Variants in UBE2G1 observed in about 807,000 individuals in gnomAD.
UBE2G1 encodes the protein ubiquitin-conjugating enzyme E2 G1.
UBE2G1 carries 5 observed loss-of-function variants against 22.7 expected under a neutral mutation model. The observed-to-expected ratio is 0.22, with a 90% confidence interval of 0.12 to 0.46. UBE2G1 has a LOEUF of 0.46. Ranked by LOEUF, UBE2G1 falls within the 20% of genes least tolerant of loss-of-function variation. The pLI is 0.99. For synonymous variants in UBE2G1, 74 were observed against 67.5 expected, an observed-to-expected ratio of 1.10 and a Z score of -0.47; for missense variants, 88 against 203.9, an observed-to-expected ratio of 0.43 and a Z score of 3.46.
chr17:4,348,788 G>A (rs1009917079), intron 1 of UBE2G1, among the ~76,000 whole-genome samples: 9 of 151,636 alleles, frequency 5.9e-5, no homozygotes, highest in African/African-American at 1.9e-4. Flanking sequence ...TTGAACCTGG[G>A]AGGCAGAGGT....
At chr17:4,334,371 C>T (rs1168348910) in intron 1 of UBE2G1, among the ~76,000 whole-genome samples, 3 of 152,252 alleles carry the variant, frequency 2.0e-5, no homozygotes, top group Non-Finnish European at 2.9e-5. Context: ...AAAAGTTTAT[C>T]CAACTGTAAA....
intron 1 of UBE2G1, among the ~76,000 whole-genome samples, chr17:4,330,303 C>G (rs997555917): frequency 6.6e-6 from 1 of 152,138 alleles, no homozygotes; most frequent in African/African-American, 2.4e-5. Context: ...TTCTCCCAGG[C>G]ACTTTTCCAT....
chr17:4,286,404 CAAAA>C (rs11312770), intron 4 of UBE2G1, among the ~76,000 whole-genome samples: 8 of 117,428 alleles, frequency 6.8e-5, no homozygotes, highest in African/African-American at 6.4e-5. Context: ...GACTCTGTCT[CAAAA>C]AAAAAAAAAA....
chr17:4,271,129 G>A lies in UBE2G1; in HGVS notation c.*1425C>T, dbSNP rs1968754078. 4 of 152,232 alleles carry A rather than the reference G, an allele frequency of 2.6e-5. 1 individual carries two copies. In the South Asian group the frequency reaches 8.3e-4, roughly 32 times the overall value. 9.4% of individuals were successfully genotyped at this position (152,232 alleles called of 1,614,324 possible). A position where few individuals can be genotyped will look rare whatever the true frequency, so the allele number is the denominator to read the frequency against. ...CATGTTCATTTTACCATTTGCTGAA[G>A]TTGTTTTAGAAAACTGTATGATATG... On this transcript the variant is annotated 3_prime_UTR_variant, in exon 6 of 6. Coordinates refer to ENST00000396981, the MANE Select transcript of UBE2G1 (RefSeq NM_003342.5).
chr17:4,349,042 G>A (rs1597264800), intron 1 of UBE2G1, among the ~76,000 whole-genome samples: 2 of 152,028 alleles, frequency 1.3e-5, no homozygotes, highest in South Asian at 2.1e-4. Flanking sequence ...CAAAAATTAG[G>A]CTGGGCGAGG....
At chr17:4,321,643 C>CCACCAT (rs1969439733) in intron 1 of UBE2G1, among the ~76,000 whole-genome samples, 1 of 152,100 alleles carries the variant, frequency 6.6e-6, no homozygotes, top group South Asian at 2.1e-4. Context: ...CAGGCACAAA[C>CCACCAT]CACCATGTCT....
chr17:4,274,438 C>G (rs542090074), intron 5 of UBE2G1, among the ~76,000 whole-genome samples: 1 of 152,194 alleles, frequency 6.6e-6, no homozygotes, highest in African/African-American at 2.4e-5. Flanking sequence ...ACCTCGTGAT[C>G]TGCCTACCTC....
intron 2 of UBE2G1, chr17:4,301,998 G>C: frequency 2.0e-6 from 1 of 494,150 alleles, no homozygotes; most frequent in Non-Finnish European, 4.0e-6. Flanking sequence ...TGCTTACTTA[G>C]ATGCGAGAGC....
chr17:4,366,674 CTG>C (rs1970041866), exon 1 of UBE2G1: 1 of 201,688 alleles, frequency 5.0e-6, no homozygotes, highest in East Asian at 1.1e-4. Flanking sequence ...CGCGCTGAGA[CTG>C]CCGACTTGGG....
In UBE2G1 at chr17:4,360,394, G is replaced by A. The variant is rs139517318; in HGVS notation, c.46+5877C>T. ...CTCCTGCCAACAAAAAAATTGTACT[G>A]AAGTACCCAAGACCAAAAGAGGCGA... On this transcript the variant is annotated intron_variant, in intron 1 of 5. Coordinates refer to ENST00000396981, the MANE Select transcript of UBE2G1 (RefSeq NM_003342.5). Among the ~76,000 whole-genome samples, 357 of 152,216 alleles carry A rather than the reference G, an allele frequency of 2.3e-3. 1 individual carries two copies. Among genetic ancestry groups the A allele is most frequent in the African/African-American group, 8.2e-3 (342 of 41,540 alleles).
intron 5 of UBE2G1, among the ~76,000 whole-genome samples, chr17:4,281,926 T>C (rs1183487005): frequency 2.0e-5 from 3 of 152,162 alleles, no homozygotes; most frequent in Admixed American, 6.5e-5. Context: ...ATCTATATTA[T>C]TTCCTCTTCT....
At chr17:4,295,778 T>A (rs1359752980) in intron 3 of UBE2G1, among the ~76,000 whole-genome samples, 6 of 151,606 alleles carry the variant, frequency 4.0e-5, no homozygotes, top group African/African-American at 7.3e-5. Context: ...ATTTTTTTTT[T>A]AATTTTTAAA....
intron 1 of UBE2G1, among the ~76,000 whole-genome samples, chr17:4,362,874 G>A: frequency 6.6e-6 from 1 of 152,114 alleles, no homozygotes. Context: ...TGTAATTCCA[G>A]CACTTTGGGA....
At chr17:4,338,331 T>C (rs1273014254) in intron 1 of UBE2G1, among the ~76,000 whole-genome samples, 3 of 152,150 alleles carry the variant, frequency 2.0e-5, no homozygotes, top group Non-Finnish European at 4.4e-5. Context: ...AAAATATGTT[T>C]CCAGTAAATC....
At chr17:4,280,642 CTTT>C (rs1232677197) in intron 5 of UBE2G1, among the ~76,000 whole-genome samples, 1 of 137,086 alleles carries the variant, frequency 7.3e-6, no homozygotes, top group Non-Finnish European at 1.6e-5. Flanking sequence ...GGCTGGGAAT[CTTT>C]TTTTTTTTTG....
At chr17:4,348,368 A>T (rs983636007) in intron 1 of UBE2G1, among the ~76,000 whole-genome samples, 10 of 150,694 alleles carry the variant, frequency 6.6e-5, no homozygotes, top group African/African-American at 2.4e-4. Flanking sequence ...CCCGGCTAAA[A>T]CGGTGAAACC....
intron 2 of UBE2G1, among the ~76,000 whole-genome samples, chr17:4,300,539 T>C (rs1322222321): frequency 1.3e-5 from 2 of 151,702 alleles, no homozygotes; most frequent in African/African-American, 4.8e-5. Flanking sequence ...CAAGACTCTG[T>C]CTCCAAAAAT....
intron 1 of UBE2G1, among the ~76,000 whole-genome samples, chr17:4,342,486 G>A (rs1355102463): frequency 2.6e-5 from 4 of 152,210 alleles, no homozygotes; most frequent in Admixed American, 6.5e-5. Context: ...CCAGCTACTG[G>A]GGAAGCTGAG....
chr17:4,301,094 C>T (rs780936350), intron 2 of UBE2G1, among the ~76,000 whole-genome samples: 1 of 152,116 alleles, frequency 6.6e-6, no homozygotes, highest in Non-Finnish European at 1.5e-5. Flanking sequence ...ACCATACTGC[C>T]ATATTTATTT....
Sources: gnomAD v4.1 joint callset for allele counts (sites outside exome capture counted in the v4.1 genomes callset) on GRCh38, gnomAD v4.1.1 for gene constraint, MANE v1.5 for transcripts, NCBI Gene and HGNC (gene_info 2026-07-23, HGNC 2026-07-21) for gene names.